Variants in CEP85L observed in about 807,000 individuals in gnomAD.
CEP85L encodes centrosomal protein 85L.
CEP85L carries 60 observed loss-of-function variants against 100.3 expected under a neutral mutation model. The observed-to-expected ratio is 0.60, with a 90% CI of 0.49 to 0.74. CEP85L has a LOEUF of 0.74. CEP85L is among the 30% of genes least tolerant of loss of function. The pLI is 0.00. For synonymous variants in CEP85L, 319 were observed against 322.7 expected (o/e 0.99, Z 0.12); for missense variants, 973 against 936.2 (o/e 1.04, Z -0.51).
intron 6 of CEP85L, among the ~76,000 whole-genome samples, chr6:118,488,242 C>G (rs1774321698): frequency 6.6e-6 from 1 of 151,920 alleles, no homozygotes; most frequent in South Asian, 2.1e-4. Flanking sequence ...AACCAAGATA[C>G]ATGATTTGCC....
At chr6:118,626,846 A>G (rs1253433981) in intron 2 of CEP85L, among the ~76,000 whole-genome samples, 1 of 152,224 alleles carries the variant, frequency 6.6e-6, no homozygotes, top group African/African-American at 2.4e-5. Context: ...AAATATTTGC[A>G]AACAATGTAT....
chr6:118,491,102 G>A (rs896312582), intron 6 of CEP85L, among the ~76,000 whole-genome samples: 4 of 151,324 alleles, frequency 2.6e-5, no homozygotes, highest in Admixed American at 6.6e-5. Flanking sequence ...GAGTCTCCAC[G>A]CTGTTCTCCA....
At chr6:118,590,901 G>C (rs868848536) in intron 2 of CEP85L, among the ~76,000 whole-genome samples, 1 of 152,016 alleles carries the variant, frequency 6.6e-6, no homozygotes, top group Admixed American at 6.6e-5. Context: ...TATTTAAACC[G>C]GCGAGACAAA....
At chr6:118,589,551 G>A (rs977849352) in intron 2 of CEP85L, 1 of 250,770 alleles carries the variant, frequency 4.0e-6, no homozygotes, top group Non-Finnish European at 8.7e-6. Context: ...AAGAAAAGGG[G>A]GAACACGTCT....
intron 2 of CEP85L, among the ~76,000 whole-genome samples, chr6:118,581,166 C>T (rs534157435): frequency 1.3e-5 from 2 of 152,092 alleles, no homozygotes; most frequent in Admixed American, 6.5e-5. Flanking sequence ...TCTTCCATAG[C>T]CAAATTTTAG....
intron 2 of CEP85L, among the ~76,000 whole-genome samples, chr6:118,592,054 A>G (rs1781218700): frequency 6.6e-6 from 1 of 152,222 alleles, no homozygotes; most frequent in African/African-American, 2.4e-5. Context: ...CCATCTATAA[A>G]TAAAGAACTA....
Position 118,647,100 on chromosome 6 carries a change from AG to A in CEP85L, c.73+4096del, listed in dbSNP as rs1292280642. ...CAGAGTTATGTTTCATTGTTACCAC[AG>A]TATTCCTAGAAGTCCATCTAATTCA... is the stretch of plus-strand genomic sequence containing the variant. On this transcript the variant is annotated intron_variant, in intron 1 of 12. Transcript: ENST00000368491. The A allele has an allele frequency of 4.1e-6, 4 of 982,994 alleles. No individual in the cohort carries two copies. The East Asian group carries it at 4.5e-4, about 112-fold the overall frequency. 60.9% of individuals were successfully genotyped at this position (982,994 alleles called of 1,614,324 possible).
intron 1 of CEP85L, among the ~76,000 whole-genome samples, chr6:118,660,724 C>T (rs1187294739): frequency 2.6e-5 from 4 of 152,196 alleles, no homozygotes; most frequent in Non-Finnish European, 5.9e-5. Flanking sequence ...CCTCTAGACA[C>T]CTTTGAAGAT....
At position 118,666,327 on chromosome 6, in the gene CEP85L, A is replaced by G. The variant is rs921118277; in HGVS notation, c.-27-13519T>C. On this transcript the variant is annotated intron_variant, in intron 1 of 13. Transcript: ENST00000368488. ...AATCAGAAAGCTATAGTCTGCTACA[A>G]TTTTAAATAGCATTTACACAAGATG... 2.0e-5 allele frequency among the ~76,000 whole-genome samples: 3 copies of G among 152,334 alleles called. No homozygotes were observed. The South Asian group carries it at 6.2e-4, about 32-fold the overall frequency.
intron 2 of CEP85L, among the ~76,000 whole-genome samples, chr6:118,597,358 A>T (rs1781509271): frequency 6.6e-6 from 1 of 152,230 alleles, no homozygotes; most frequent in South Asian, 2.1e-4. Context: ...CTGTATTCTG[A>T]CTATATAACA....
At chr6:118,465,826 A>G (rs1398431558) in intron 12 of CEP85L, among the ~76,000 whole-genome samples, 1 of 152,140 alleles carries the variant, frequency 6.6e-6, no homozygotes, top group African/African-American at 2.4e-5. Context: ...AATGGGTAAC[A>G]ATATTCCAAA....
intron 3 of CEP85L, chr6:118,548,294 C>G (rs1778331091): frequency 6.6e-6 from 1 of 152,046 alleles, no homozygotes; most frequent in South Asian, 2.1e-4. Flanking sequence ...GCAACTGTTC[C>G]CATAAACTGG....
chr6:118,613,162 G>T (rs528631776), intron 2 of CEP85L, among the ~76,000 whole-genome samples: 1 of 152,154 alleles, frequency 6.6e-6, no homozygotes, highest in South Asian at 2.1e-4. Context: ...AGTGAGCCGA[G>T]ATCGCGCCAC....
chr6:118,668,473 G>A (rs1160615295), intron 1 of CEP85L, among the ~76,000 whole-genome samples: 1 of 152,172 alleles, frequency 6.6e-6, no homozygotes, highest in African/African-American at 2.4e-5. Context: ...ATGTGGTACT[G>A]TGTGCCTACA....
At chr6:118,637,396 A>C (rs1004275819) in intron 1 of CEP85L, among the ~76,000 whole-genome samples, 2 of 151,950 alleles carry the variant, frequency 1.3e-5, no homozygotes, top group African/African-American at 4.8e-5. Context: ...AAACCACATA[A>C]ATCATCAAAT....
intron 1 of CEP85L, chr6:118,646,761 T>G (rs1433996548): frequency 4.5e-6 from 1 of 224,164 alleles, no homozygotes; most frequent in East Asian, 1.8e-4. Context: ...CTCAGGAAAA[T>G]ACTATCCAGA....
chr6:118,651,221 CG>C lies in CEP85L; in HGVS notation c.48del (p.Gly17AlafsTer43). The C allele has an allele frequency of 1.3e-6, 2 of 1,495,988 alleles. No homozygotes were observed. The highest frequency in any genetic ancestry group is 1.8e-6 in the Non-Finnish European group (2 of 1,129,172). The allele number at this position is 1,495,988 out of a possible 1,614,324, so 92.7% of individuals were successfully genotyped here. On this transcript the variant is annotated frameshift_variant, in exon 1 of 13. Coordinates refer to ENST00000368491, the MANE Select transcript of CEP85L (RefSeq NM_001042475.3). LOFTEE classifies it high-confidence loss of function. ...CCGGCAGGGAAGCTGCGGGCTCCGC[CG>C]GGGCTATCCCGGCCGCTGGCCTCCG... ...LAPEASGRDS[P>X]GGARSFPAGP...
At chr6:118,633,408 G>C (rs1379952716) in intron 1 of CEP85L, among the ~76,000 whole-genome samples, 1 of 151,996 alleles carries the variant, frequency 6.6e-6, no homozygotes, top group African/African-American at 2.4e-5. Context: ...GTTTCACCGT[G>C]TTAACCAGGA....
chr6:118,561,874 T>C (rs868809695), intron 3 of CEP85L, among the ~76,000 whole-genome samples: 1 of 152,158 alleles, frequency 6.6e-6, no homozygotes. Context: ...GTATATAAGA[T>C]AACAAATTGC....
Sources: allele counts gnomAD v4.1 joint callset (sites outside exome capture counted in the v4.1 genomes callset), GRCh38; gene constraint gnomAD v4.1.1; transcripts MANE v1.5; gene names NCBI Gene and HGNC (gene_info 2026-07-23, HGNC 2026-07-21).